The following ACOT11 variants were observed in gnomAD, a reference collection of about 807,000 sequenced individuals.
ACOT11 encodes the protein acyl-coenzyme A thioesterase 11.
Under a neutral mutation model 77.5 loss-of-function variants are expected in ACOT11, and 69 were observed. The observed-to-expected ratio is 0.89, with a 90% confidence interval of 0.73 to 1.09. The LOEUF is 1.09. ACOT11 is among the 50% of genes least tolerant of loss of function. The pLI, the probability that ACOT11 is intolerant of heterozygous loss-of-function variation, is 0.00. For missense variants in ACOT11, 766 were observed against 813.7 expected (o/e 0.94, Z 0.71); for synonymous variants, 279 against 313.0 (o/e 0.89, Z 1.15).
downstream of ACOT11, chr1:54,611,622 C>T: frequency 6.2e-7 from 1 of 1,614,016 alleles, no homozygotes; most frequent in South Asian, 1.1e-5. Context: ...GCTGCTTGAA[C>T]TGTGACAGGA....
At chr1:54,621,383 G>T (rs1644228465) in intron 15 of ACOT11, 1 of 152,182 alleles carries the variant, frequency 6.6e-6, no homozygotes, top group Non-Finnish European at 1.5e-5. Flanking sequence ...CTTGAACCTG[G>T]GAGGCGGAGG....
chr1:54,553,332 A>G (rs1653139279), intron 1 of ACOT11, among the ~76,000 whole-genome samples: 1 of 151,780 alleles, frequency 6.6e-6, no homozygotes, highest in Non-Finnish European at 1.5e-5. Context: ...CCTGACCAAC[A>G]TGGAGAAACT....
chr1:54,548,244 G>A lies in ACOT11; in HGVS notation c.-66G>A. The A allele has an allele frequency of 6.4e-7, 1 of 1,558,538 alleles. No individual in the cohort carries two copies. On this transcript the variant is annotated 5_prime_UTR_variant, in exon 1 of 16. Coordinates refer to ENST00000343744, the MANE Select transcript of ACOT11 (RefSeq NM_147161.4). ...ACAGGCTTCATTTGGAGTCAGGCCTGGCTGTTGCTCAGGTGACCAGCTTGT... is the reference window on the plus strand; with the variant it reads ...ACAGGCTTCATTTGGAGTCAGGCCTAGCTGTTGCTCAGGTGACCAGCTTGT...
intron 1 of ACOT11, among the ~76,000 whole-genome samples, chr1:54,578,071 G>C (rs937598648): frequency 2.6e-5 from 4 of 152,170 alleles, no homozygotes; most frequent in African/African-American, 9.7e-5. Context: ...TTGACACTTA[G>C]AAGTCCTGTG....
rs753861163 is a variant in ACOT11, at chr1:54,609,807, C to T, written c.*695C>T. On this transcript the variant is annotated 3_prime_UTR_variant, in exon 16 of 16. Coordinates refer to ENST00000343744, the MANE Select transcript of ACOT11 (RefSeq NM_147161.4). The stretch of plus-strand genomic sequence containing the variant: ...ATTTGCAAATGGATGCCCCAGTGTC[C>T]GGGATGTGTGGCCAGCTGCTGCAGG... 43 of 1,614,068 alleles carry T rather than the reference C, an allele frequency of 2.7e-5. No individual in the cohort carries two copies. The highest frequency in any genetic ancestry group is 3.3e-5 in the Non-Finnish European group (39 of 1,180,042).
chr1:54,623,478 C>T, intron 15 of ACOT11: 1 of 981,312 alleles, frequency 1.0e-6, no homozygotes, highest in Non-Finnish European at 1.6e-6. Context: ...CTGTGGGAGG[C>T]AGGAGCTCCC....
At position 54,605,217 on chromosome 1, in the gene ACOT11, G is replaced by T. The variant is rs1337702597; in HGVS notation, c.1370+8G>T. The T allele has an allele frequency of 6.2e-7, 1 of 1,611,980 alleles. No individual in the cohort carries two copies. Among genetic ancestry groups the T allele is most frequent in the South Asian group, 1.1e-5 (1 of 91,016 alleles). ...GTGGGACAAGCACTACCGGTGAGGGGCCAGGGTGAGGGCAGGGCAGTGTCC... is the reference window on the plus strand; with the variant it reads ...GTGGGACAAGCACTACCGGTGAGGGTCCAGGGTGAGGGCAGGGCAGTGTCC... On this transcript the variant is annotated splice_region_variant and intron_variant, in intron 13 of 15. Coordinates refer to ENST00000343744, the MANE Select transcript of ACOT11 (RefSeq NM_147161.4).
downstream of ACOT11, chr1:54,614,859 C>T (rs1031180494): frequency 6.2e-7 from 1 of 1,612,870 alleles, no homozygotes. Flanking sequence ...CAGTTTGATG[C>T]CTGTGGGGAA....
chr1:54,592,901 G>A (rs568112099), intron 4 of ACOT11, among the ~76,000 whole-genome samples: 2 of 152,310 alleles, frequency 1.3e-5, no homozygotes, highest in Admixed American at 1.3e-4. Flanking sequence ...CTCACATCCA[G>A]CCTCAGCAGC....
downstream of ACOT11, chr1:54,612,558 G>A (rs753119849): frequency 3.7e-6 from 6 of 1,613,976 alleles, no homozygotes; most frequent in African/African-American, 6.7e-5. Flanking sequence ...TACAGGGAAG[G>A]TGACCCTCTG....
intron 1 of ACOT11, among the ~76,000 whole-genome samples, chr1:54,580,141 G>A (rs1407217431): frequency 1.3e-5 from 2 of 152,182 alleles, no homozygotes; most frequent in East Asian, 1.9e-4. Flanking sequence ...CCATAGAGGT[G>A]TAGCAGCTTG....
intron 7 of ACOT11, chr1:54,598,987 A>G (rs1356339615): frequency 2.7e-5 from 4 of 148,632 alleles, no homozygotes; most frequent in African/African-American, 9.9e-5. Flanking sequence ...TCTACTAAAA[A>G]TACAAAAAAT....
chr1:54,624,322 G>A (rs1312681091), intron 15 of ACOT11, among the ~76,000 whole-genome samples: 1 of 151,434 alleles, frequency 6.6e-6, no homozygotes, highest in East Asian at 1.9e-4. Context: ...GTGTGAAAGG[G>A]TGTCTAGAAT....
In ACOT11 at chr1:54,584,837, G is replaced by A; in HGVS notation, c.216G>A (p.Trp72Ter). 1 of 1,613,894 alleles carries A rather than the reference G, an allele frequency of 6.2e-7. No homozygotes were observed. The highest frequency in any genetic ancestry group is 8.5e-7 in the Non-Finnish European group (1 of 1,179,966). Reference sequence around the variant, plus strand: ...TGAGCGTCGGGCAGCTGCTCAAGTGGATTGACACCACGGCTTGCCTGTCCG... The same window carrying A: ...TGAGCGTCGGGCAGCTGCTCAAGTGAATTGACACCACGGCTTGCCTGTCCG... ...GELSVGQLLK[W>*]IDTTACLSAE... The change falls in exon 2 of 16, where the codon TGG becomes TGA. Residue 72 changes from tryptophan (W) to a stop codon, truncating the protein, a stop_gained. Transcript: ENST00000343744. LOFTEE classifies it high-confidence loss of function. This position sits in a 1 kb window ranked among gnomAD's most constrained non-coding sequence, Gnocchi z 6.3.
intron 16 of ACOT11, among the ~76,000 whole-genome samples, chr1:54,632,594 AAAAAGTGAAATTAAACGAACAGGAG>A: frequency 6.6e-6 from 1 of 152,350 alleles, no homozygotes; most frequent in South Asian, 2.1e-4. Flanking sequence ...TGGGAATGGG[AAAAAGTGAAATTAAACGAACAGGAG>A]AATTTGGAAG....
chr1:54,592,968 G>A (rs1384666066), intron 4 of ACOT11, among the ~76,000 whole-genome samples: 1 of 152,204 alleles, frequency 6.6e-6, no homozygotes. Flanking sequence ...TGGAGGAGGA[G>A]CTGGGGCAGG....
At chr1:54,612,735 T>C (rs1336905444), downstream of ACOT11, 1 of 1,590,888 alleles carries the variant, frequency 6.3e-7, no homozygotes, top group East Asian at 2.2e-5. Flanking sequence ...GAGATGTTGG[T>C]CTCACGGAGC....
At chr1:54,616,428 A>G (rs12134389) in intron 15 of ACOT11, among the ~76,000 whole-genome samples, 15,807 of 150,522 alleles carry the variant, frequency 0.11, 1,036 homozygotes, top group East Asian at 0.35. Flanking sequence ...CAGTGGTGTG[A>G]TCTTGGCTCA....
intron 13 of ACOT11, 59 bp downstream of exon 13, chr1:54,605,268 G>GTGTC: frequency 6.3e-7 from 1 of 1,577,796 alleles, no homozygotes; most frequent in Admixed American, 1.7e-5. Flanking sequence ...GAGGGAGAGA[G>GTGTC]TGTCTCCTTC....
Sources: gnomAD v4.1 joint callset for allele counts (sites outside exome capture counted in the v4.1 genomes callset) on GRCh38, gnomAD v4.1.1 for gene constraint, Gnocchi (gnomAD v3.1) non-coding constraint, MANE v1.5 for transcripts, NCBI Gene and HGNC (gene_info 2026-07-23, HGNC 2026-07-21) for gene names.